The following FAM177A1 variants were observed in gnomAD, a reference collection of about 807,000 sequenced individuals.
The protein encoded by FAM177A1 is family with sequence similarity 177 member A1, also known as protein FAM177A1.
A neutral mutation model predicts 26.1 loss-of-function variants in FAM177A1; 22 were observed. The ratio of observed to expected loss-of-function variants is 0.84; its 90% CI spans 0.60 to 1.20. The LOEUF is 1.20. Among genes scored for constraint, FAM177A1 ranks in the 50% most tolerant of loss-of-function variants. FAM177A1 has a pLI of 0.00. For missense variants in FAM177A1, 296 were observed against 291.1 expected (o/e 1.02, Z -0.12); for synonymous variants, 95 against 99.3 (o/e 0.96, Z 0.26).
At chr14:35,055,656 C>G (rs150501839) in intron 2 of FAM177A1, among the ~76,000 whole-genome samples, 1 of 151,872 alleles carries the variant, frequency 6.6e-6, no homozygotes, top group Non-Finnish European at 1.5e-5. Flanking sequence ...AAGCTGGTCT[C>G]GAGCTCCTGC....
At chr14:35,057,708 T>TC (rs1388014611) in intron 2 of FAM177A1, among the ~76,000 whole-genome samples, 2 of 152,116 alleles carry the variant, frequency 1.3e-5, no homozygotes, top group Non-Finnish European at 2.9e-5. Context: ...TAAAGTATTT[T>TC]CTTTTTTTTC....
At chr14:35,048,612 C>T (rs1330108059) in intron 1 of FAM177A1, among the ~76,000 whole-genome samples, 2 of 150,746 alleles carry the variant, frequency 1.3e-5, no homozygotes, top group East Asian at 3.9e-4. Context: ...TTGTTAAACA[C>T]CAATGAGTTC....
At chr14:35,078,176 A>T (rs2045426120) in intron 3 of FAM177A1, among the ~76,000 whole-genome samples, 4 of 152,196 alleles carry the variant, frequency 2.6e-5, no homozygotes, top group Admixed American at 2.6e-4. Context: ...AAAGAGCATG[A>T]GCTTGAGATT....
intron 1 of FAM177A1, among the ~76,000 whole-genome samples, chr14:35,047,576 C>T (rs1228202923): frequency 1.3e-5 from 2 of 152,154 alleles, no homozygotes; most frequent in African/African-American, 2.4e-5. Flanking sequence ...TGGTGAAACC[C>T]CTTCTCTACT....
Position 35,081,978 on chromosome 14 carries a change from A to G in FAM177A1, c.*750A>G, listed in dbSNP as rs749596657. 7.2e-5 allele frequency: 11 copies of G among 152,230 alleles called. No individual in the cohort carries two copies. Among genetic ancestry groups the G allele is most frequent in the Admixed American group, 2.0e-4 (3 of 15,266 alleles). The allele number at this position is 152,230 out of a possible 1,614,324, so 9.4% of individuals were successfully genotyped here. A position where few individuals can be genotyped will look rare whatever the true frequency, so the allele number is the denominator to read the frequency against. On this transcript the variant is annotated 3_prime_UTR_variant, in exon 5 of 5. Coordinates refer to ENST00000280987, the MANE Select transcript of FAM177A1 (RefSeq NM_173607.5). ...ATGTTATCGGTTCAGCGTTAATCCT[A>G]TAGAAAAGTGGTTTGGAGGGGATTG...
chr14:35,046,227 G>C, upstream of FAM177A1: 1 of 345,820 alleles, frequency 2.9e-6, no homozygotes. Context: ...GCAAGGACCC[G>C]CCCCGCCCCG....
intron 2 of FAM177A1, among the ~76,000 whole-genome samples, chr14:35,075,508 C>A (rs1411395748): frequency 6.6e-6 from 1 of 152,016 alleles, no homozygotes; most frequent in African/African-American, 2.4e-5. Flanking sequence ...AGAAGAAAAC[C>A]TAGGCAATAC....
chr14:35,081,146 T>G lies in FAM177A1; in HGVS notation c.629T>G (p.Phe210Cys), dbSNP rs2045477648. ...DQPETVISSS[F>C]VNVNFEMEGD... The stretch of plus-strand genomic sequence containing the variant: ...CCAGAGACAGTGATATCCAGCTCAT[T>G]TGTGAATGTCAATTTTGAAATGGAG... The change falls in exon 5 of 5, where the codon TTT (phenylalanine) becomes TGT (cysteine). Residue 210 changes from phenylalanine (F) to cysteine (C), a missense_variant. Phe to Cys is a radical substitution (Grantham distance 205, BLOSUM62 -2). Transcript: ENST00000280987. 2.5e-6 allele frequency: 4 copies of G among 1,613,692 alleles called. No homozygotes were observed. In the East Asian group the frequency reaches 6.7e-5, roughly 27 times the overall value.
intron 2 of FAM177A1, among the ~76,000 whole-genome samples, chr14:35,055,851 CTT>C (rs1293810668): frequency 6.6e-6 from 1 of 152,052 alleles, no homozygotes; most frequent in Non-Finnish European, 1.5e-5. Flanking sequence ...TACTATGTGT[CTT>C]TTTATTTTTT....
In FAM177A1 at chr14:35,083,026, A is replaced by G. The variant is rs2045510386; in HGVS notation, c.*1798A>G. Reference sequence around the variant, plus strand: ...TATAATGTCCCATGAATTATAGTTTACCAATAGTTCTAAAACATGCTAACC... The same window carrying G: ...TATAATGTCCCATGAATTATAGTTTGCCAATAGTTCTAAAACATGCTAACC... On this transcript the variant is annotated 3_prime_UTR_variant, in exon 5 of 5. Transcript: ENST00000280987. The G allele has an allele frequency of 6.6e-6, 1 of 152,382 alleles. No individual in the cohort carries two copies. The highest frequency in any genetic ancestry group is 1.5e-5 in the Non-Finnish European group (1 of 68,036). 9.4% of individuals were successfully genotyped at this position (152,382 alleles called of 1,614,324 possible).
rs980045766 is a variant in FAM177A1 at position 35,081,667 on chromosome 14, C to G, written c.*439C>G. 6.5e-6 allele frequency: 1 copy of G among 153,104 alleles called. No individual in the cohort carries two copies. Among genetic ancestry groups the G allele is most frequent in the African/African-American group, 2.4e-5 (1 of 41,426 alleles). The allele number at this position is 153,104 out of a possible 1,614,324, so 9.5% of individuals were successfully genotyped here. The stretch of plus-strand genomic sequence containing the variant: ...CATGTTATGCCATGCATTTATATAT[C>G]TAACCATTAATTTCACACTAAGGAT... On this transcript the variant is annotated 3_prime_UTR_variant, in exon 5 of 5. Coordinates refer to ENST00000280987, the MANE Select transcript of FAM177A1 (RefSeq NM_173607.5).
rs2045512655 is a variant in FAM177A1, at chr14:35,083,148, A to G, written c.*1920A>G. On this transcript the variant is annotated 3_prime_UTR_variant, in exon 5 of 5. Transcript: ENST00000280987. ...TTATCAAGTGAAGATAGGTGTGTCT[A>G]AAAGTGATCTTCTGAATCCTGTCTC... The G allele has an allele frequency of 6.6e-6, 1 of 152,628 alleles. No individual in the cohort carries two copies. Among genetic ancestry groups the G allele is most frequent in the South Asian group, 2.1e-4 (1 of 4,826 alleles). 9.5% of individuals were successfully genotyped at this position (152,628 alleles called of 1,614,324 possible). A position where few individuals can be genotyped will look rare whatever the true frequency, so the allele number is the denominator to read the frequency against.
chr14:35,050,716 A>G (rs891635264), intron 1 of FAM177A1: 1 of 152,182 alleles, frequency 6.6e-6, no homozygotes, highest in Non-Finnish European at 1.5e-5. Context: ...TTGCATTGAC[A>G]TTAGATCCAT....
chr14:35,067,567 A>G (rs773627537), intron 2 of FAM177A1, among the ~76,000 whole-genome samples: 5 of 152,174 alleles, frequency 3.3e-5, no homozygotes, highest in Non-Finnish European at 5.9e-5. Flanking sequence ...GCTGGATTAT[A>G]TAGTAATTCT....
chr14:35,058,090 C>T (rs368427886), intron 2 of FAM177A1, among the ~76,000 whole-genome samples: 2 of 151,536 alleles, frequency 1.3e-5, no homozygotes, highest in East Asian at 1.9e-4. Flanking sequence ...TATTATTTTT[C>T]GAGACAGAGT....
At chr14:35,064,545 T>TA (rs2045210240) in intron 2 of FAM177A1, among the ~76,000 whole-genome samples, 1 of 152,016 alleles carries the variant, frequency 6.6e-6, no homozygotes, top group African/African-American at 2.4e-5. Context: ...CCTAATAAAG[T>TA]TAATGAAGAA....
intron 2 of FAM177A1, among the ~76,000 whole-genome samples, chr14:35,075,725 T>A (rs1409514636): frequency 1.3e-5 from 2 of 152,138 alleles, no homozygotes; most frequent in African/African-American, 2.4e-5. Context: ...ATATCCAGAA[T>A]CTACAATGAA....
At chr14:35,053,581 G>A in intron 2 of FAM177A1, 130 bp downstream of exon 2, 1 of 795,072 alleles carries the variant, frequency 1.3e-6, no homozygotes, top group Non-Finnish European at 2.0e-6. Context: ...ATTATGTATG[G>A]TGATTTTGAT....
At chr14:35,047,067 T>G in intron 1 of FAM177A1, 114 of 881,558 alleles carry the variant, frequency 1.3e-4, no homozygotes, top group Middle Eastern at 5.8e-4. Context: ...CACTGGATCC[T>G]TACAGTAACC....
Sources: allele counts gnomAD v4.1 joint callset (sites outside exome capture counted in the v4.1 genomes callset), GRCh38; gene constraint gnomAD v4.1.1; transcripts MANE v1.5; gene names NCBI Gene and HGNC (gene_info 2026-07-23, HGNC 2026-07-21).